SATB1: variants seen among roughly 807,000 people sequenced by gnomAD.
SATB1 encodes the protein DNA-binding protein SATB1.
In SATB1, 11 loss-of-function variants were observed where a neutral mutation model predicts 86.9. That is an observed-to-expected ratio of 0.13 (90% CI 0.08 to 0.21). SATB1 has a LOEUF of 0.21. Among genes scored for constraint, SATB1 ranks in the 10% least tolerant of loss-of-function variants. SATB1 has a pLI of 1.00. For synonymous variants in SATB1, 357 were observed against 357.2 expected, an observed-to-expected ratio of 1.00 and a Z score of 0.01; for missense variants, 551 against 937.6, an observed-to-expected ratio of 0.59 and a Z score of 5.39.
Position 18,397,377 on chromosome 3 carries a change from T to A in SATB1, c.640-87A>T, listed in dbSNP as rs879232730. The A allele has an allele frequency of 6.1e-6, 5 of 816,224 alleles. No individual in the cohort carries two copies. In the African/African-American group the frequency reaches 8.5e-5, roughly 14 times the overall value. The allele number at this position is 816,224 out of a possible 1,614,324, so 50.6% of individuals were successfully genotyped here. A position where few individuals can be genotyped will look rare whatever the true frequency, so the allele number is the denominator to read the frequency against. ...TGATCTCAATTGTGGCAACTGTATT[T>A]TTTTAATCAACTGAGTACCAATACA... On this transcript the variant is annotated intron_variant, in intron 5 of 10. Coordinates refer to ENST00000338745, the MANE Select transcript of SATB1 (RefSeq NM_002971.6).
rs781098380 is a variant in SATB1 at position 18,417,091 on chromosome 3, TGAA to T, written c.212-16_212-14del. Reference sequence around the variant, plus strand: ...GGCAGCATGGTTCCTATCAAAAAGATGAAGAAGAAGAGATGGAAAACCAACAAT... The same window carrying T: ...GGCAGCATGGTTCCTATCAAAAAGATGAAGAAGAGATGGAAAACCAACAAT... On this transcript the variant is annotated splice_polypyrimidine_tract_variant and intron_variant, in intron 2 of 10. Coordinates refer to ENST00000338745, the MANE Select transcript of SATB1 (RefSeq NM_002971.6). 1.2e-5 allele frequency: 20 copies of T among 1,608,978 alleles called. No homozygotes were observed. Among genetic ancestry groups the T allele is most frequent in the African/African-American group, 2.7e-5 (2 of 74,590 alleles).
chr3:18,392,659 A>C (rs1696744430), intron 7 of SATB1, among the ~76,000 whole-genome samples: 1 of 151,848 alleles, frequency 6.6e-6, no homozygotes, highest in African/African-American at 2.4e-5. Flanking sequence ...CTTTTAACTC[A>C]ATTCAAAAAA....
At chr3:18,369,079 GA>G (rs1695324737) in intron 9 of SATB1, among the ~76,000 whole-genome samples, 1 of 151,280 alleles carries the variant, frequency 6.6e-6, no homozygotes, top group East Asian at 1.9e-4. Flanking sequence ...ATATCTCCAT[GA>G]AATAAAGTTC....
chr3:18,376,558 T>A (rs897764129), intron 9 of SATB1, among the ~76,000 whole-genome samples: 16 of 134,600 alleles, frequency 1.2e-4, no homozygotes, highest in African/African-American at 4.4e-4. Context: ...AAAACAAGAA[T>A]GTGTGGGGTG....
In SATB1 at chr3:18,386,649, T is replaced by C. The variant is rs751770460; in HGVS notation, c.1207-38A>G. On this transcript the variant is annotated intron_variant, in intron 7 of 10. Transcript: ENST00000338745. The surrounding 1 kb of genome is among the most constrained non-coding windows in gnomAD (Gnocchi z 4.5). Reference sequence around the variant, plus strand: ...AAAGGCACAGGGTGAGCCTGCTGCCTTGCTTTGCCTGGCCAGCAGTGATCC... The same window carrying C: ...AAAGGCACAGGGTGAGCCTGCTGCCCTGCTTTGCCTGGCCAGCAGTGATCC... The C allele has an allele frequency of 2.6e-6, 4 of 1,551,950 alleles. No individual in the cohort carries two copies. The highest frequency in any genetic ancestry group is 2.2e-5 in the South Asian group (2 of 89,354).
At chr3:18,392,610 T>C (rs1696741703) in intron 7 of SATB1, among the ~76,000 whole-genome samples, 2 of 151,916 alleles carry the variant, frequency 1.3e-5, no homozygotes, top group South Asian at 4.2e-4. Context: ...TATATACATA[T>C]ATATATAATT....
intron 8 of SATB1, among the ~76,000 whole-genome samples, chr3:18,381,284 G>C (rs1195108406): frequency 6.6e-6 from 1 of 152,130 alleles, no homozygotes; most frequent in East Asian, 1.9e-4. Flanking sequence ...CTTGATTGGT[G>C]AACATCCTAC....
In SATB1 at chr3:18,444,129, G is replaced by C. The variant is rs1278222870; in HGVS notation, c.-25+1389C>G. ...GCTGAGCAGACTCGCGATCCGGTGG[G>C]GGAACATTACCACTCCCGCAGCCCA... On this transcript the variant is annotated intron_variant, in intron 1 of 3. Transcript: ENST00000415069. The surrounding 1 kb of genome is among the most constrained non-coding windows in gnomAD (Gnocchi z 5.1). Among the ~76,000 whole-genome samples the C allele has an allele frequency of 6.6e-6, 1 of 152,074 alleles. No individual in the cohort carries two copies. The highest frequency in any genetic ancestry group is 1.5e-5 in the Non-Finnish European group (1 of 68,008).
At chr3:18,390,788 A>T (rs1696618828) in intron 7 of SATB1, among the ~76,000 whole-genome samples, 1 of 152,190 alleles carries the variant, frequency 6.6e-6, no homozygotes, top group African/African-American at 2.4e-5. Context: ...AAAAAGCCAC[A>T]GAGTGGGATC....
At chr3:18,378,091 T>G in intron 9 of SATB1, 79 bp downstream of exon 9, 3 of 1,264,114 alleles carry the variant, frequency 2.4e-6, no homozygotes, top group Non-Finnish European at 2.1e-6. Context: ...AAGTTCATAC[T>G]GAAAATAGAC....
Position 18,351,432 on chromosome 3 carries a change from G to T in SATB1, c.1779+560C>A. ...CTCTAAAGGAAAGACAAACAGAGAT[G>T]ACTCACCCCTAACCTACATTCTGTA... On this transcript the variant is annotated intron_variant, in intron 10 of 10. Transcript: ENST00000338745. The T allele has an allele frequency of 2.7e-6, 4 of 1,498,836 alleles. No individual in the cohort carries two copies. The South Asian group carries it at 3.6e-5, about 13-fold the overall frequency. The allele number at this position is 1,498,836 out of a possible 1,614,324, so 92.8% of individuals were successfully genotyped here. A position where few individuals can be genotyped will look rare whatever the true frequency, so the allele number is the denominator to read the frequency against.
chr3:18,358,078 C>A (rs1051355801), intron 9 of SATB1, among the ~76,000 whole-genome samples: 16 of 152,016 alleles, frequency 1.1e-4, no homozygotes, highest in African/African-American at 3.6e-4. Context: ...TCATCTAGAC[C>A]ATTTTTTGGT....
At chr3:18,388,859 A>G (rs1290006154) in intron 7 of SATB1, among the ~76,000 whole-genome samples, 1 of 152,200 alleles carries the variant, frequency 6.6e-6, no homozygotes, top group Middle Eastern at 3.2e-3. Flanking sequence ...AAAGTACTAT[A>G]TCACATATTT....
At chr3:18,370,914 T>A (rs188664286) in intron 9 of SATB1, among the ~76,000 whole-genome samples, 12 of 152,372 alleles carry the variant, frequency 7.9e-5, no homozygotes, top group Admixed American at 7.8e-4. Flanking sequence ...TCAGTGACAT[T>A]CTGTCTCATT....
chr3:18,439,130 G>A (rs180784936), upstream of SATB1, among the ~76,000 whole-genome samples: 4 of 152,258 alleles, frequency 2.6e-5, no homozygotes, highest in Admixed American at 1.3e-4. Context: ...TAACTGGACT[G>A]AATAAATTTC....
chr3:18,413,441 G>A (rs1697965090), intron 5 of SATB1, among the ~76,000 whole-genome samples: 1 of 151,986 alleles, frequency 6.6e-6, no homozygotes, highest in African/African-American at 2.4e-5. Context: ...AGACACATGC[G>A]ATTCCAGTAC....
chr3:18,417,826 A>T (rs1490417393), intron 2 of SATB1: 1 of 567,028 alleles, frequency 1.8e-6, no homozygotes, highest in African/African-American at 1.9e-5. Flanking sequence ...TAAGGTAAAA[A>T]TGAGAGATAG....
chr3:18,378,615 G>C (rs1367426724), intron 8 of SATB1, among the ~76,000 whole-genome samples: 1 of 152,128 alleles, frequency 6.6e-6, no homozygotes, highest in East Asian at 1.9e-4. Context: ...TCAAAGACTT[G>C]AAAACCCTAA....
Position 18,346,824 on chromosome 3 carries a change from A to C in SATB1, c.*2346T>G, listed in dbSNP as rs1575067657. 1 of 152,144 alleles carries C rather than the reference A, an allele frequency of 6.6e-6. No homozygotes were observed. The highest frequency in any genetic ancestry group is 1.5e-5 in the Non-Finnish European group (1 of 67,988). The allele number at this position is 152,144 out of a possible 1,614,324, so 9.4% of individuals were successfully genotyped here. A position where few individuals can be genotyped will look rare whatever the true frequency, so the allele number is the denominator to read the frequency against. ...AACTTAGGGGATATAAGGAAGAGGA[A>C]GATAACTTCATGGCATTTGAGTTTC... On this transcript the variant is annotated 3_prime_UTR_variant, in exon 11 of 11. Coordinates refer to ENST00000338745, the MANE Select transcript of SATB1 (RefSeq NM_002971.6).
Sources: gnomAD v4.1 joint callset for allele counts (sites outside exome capture counted in the v4.1 genomes callset) on GRCh38, gnomAD v4.1.1 for gene constraint, Gnocchi (gnomAD v3.1) non-coding constraint, MANE v1.5 for transcripts, NCBI Gene and HGNC (gene_info 2026-07-23, HGNC 2026-07-21) for gene names.